Variants in CEP152 observed in about 807,000 individuals in gnomAD.
CEP152 encodes the protein centrosomal protein of 152 kDa.
A neutral mutation model predicts 188.9 loss-of-function variants in CEP152; 132 were observed. The observed-to-expected ratio is 0.70, with a 90% CI of 0.61 to 0.81. The LOEUF is 0.81. CEP152 is among the 30% of genes least tolerant of loss of function. The probability of loss-of-function intolerance (pLI) is 0.00; values close to 1 mark genes in which losing one functional copy is unlikely to be tolerated. For synonymous variants in CEP152, 649 were observed against 666.6 expected, an observed-to-expected ratio of 0.97 and a Z score of 0.41; for missense variants, 1,914 against 1,969.8, an observed-to-expected ratio of 0.97 and a Z score of 0.54.
chr15:48,786,031 G>A (rs1280523236), intron 9 of CEP152, among the ~76,000 whole-genome samples: 2 of 152,008 alleles, frequency 1.3e-5, no homozygotes, highest in Non-Finnish European at 2.9e-5. Context: ...CACACACAGA[G>A]AAGTCTGTGG....
intron 6 of CEP152, among the ~76,000 whole-genome samples, chr15:48,794,851 T>A (rs1897194066): frequency 6.6e-6 from 1 of 152,188 alleles, no homozygotes; most frequent in Admixed American, 6.5e-5. Flanking sequence ...GAGGCCATCC[T>A]CATATTTGCT....
intron 9 of CEP152, among the ~76,000 whole-genome samples, chr15:48,787,054 G>A (rs1377018646): frequency 1.3e-5 from 2 of 151,324 alleles, no homozygotes; most frequent in African/African-American, 4.9e-5. Context: ...CCTATGTTTG[G>A]CCAAAACTAA....
rs11631496 is a variant in CEP152 at position 48,783,721 on chromosome 15, T to C, written c.1321+252A>G. ...TTTATACTGGTCTCCAGCTTCCAAATTATTTAATAAAAACAAACTAAACCT... is the reference window on the plus strand; with the variant it reads ...TTTATACTGGTCTCCAGCTTCCAAACTATTTAATAAAAACAAACTAAACCT... On this transcript the variant is annotated intron_variant, in intron 10 of 26. Transcript: ENST00000380950. Among the ~76,000 whole-genome samples the C allele has an allele frequency of 0.16, 24,620 of 149,444 alleles. 2,563 individuals are homozygous for C. The highest frequency in any genetic ancestry group is 0.34 in the Middle Eastern group (95 of 282).
downstream of CEP152, among the ~76,000 whole-genome samples, chr15:48,734,712 G>C (rs1318602260): frequency 6.6e-6 from 1 of 152,006 alleles, no homozygotes; most frequent in Non-Finnish European, 1.5e-5. Flanking sequence ...AATCATAAGA[G>C]AGCTGCAGTG....
chr15:48,738,149 C>G lies in CEP152; in HGVS notation c.*100G>C. Reference sequence around the variant, plus strand: ...ACTTATATAACAGATGTTATTAAAACATCTCAAAAGAGGCAGGGCTCACAA... The same window carrying G: ...ACTTATATAACAGATGTTATTAAAAGATCTCAAAAGAGGCAGGGCTCACAA... On this transcript the variant is annotated 3_prime_UTR_variant, in exon 27 of 27. Transcript: ENST00000380950. 2.5e-6 allele frequency: 3 copies of G among 1,218,210 alleles called. No homozygotes were observed. The South Asian group carries it at 4.7e-5, about 19-fold the overall frequency. The allele number at this position is 1,218,210 out of a possible 1,614,324, so 75.5% of individuals were successfully genotyped here.
At chr15:48,765,632 G>A (rs1219020755) in intron 17 of CEP152, 2 of 301,216 alleles carry the variant, frequency 6.6e-6, no homozygotes, top group African/African-American at 3.4e-5. Flanking sequence ...TTATGTTCTT[G>A]CCAATTTTTT....
Position 48,756,264 on chromosome 15 carries a change from G to GC in CEP152, c.2983dup (p.Ala995GlyfsTer4), listed in dbSNP as rs765747552. 4 of 1,591,414 alleles carry GC rather than the reference G, an allele frequency of 2.5e-6. No homozygotes were observed. Among genetic ancestry groups the GC allele is most frequent in the African/African-American group, 1.4e-5 (1 of 73,736 alleles). ...TTTCATAAAGTCTTCTTTAGCTGCC[G>GC]CAAGCACCTCATTAATTTTATTTCG... On this transcript the variant is annotated frameshift_variant, in exon 20 of 27. Coordinates refer to ENST00000380950, the MANE Select transcript of CEP152 (RefSeq NM_001194998.2). LOFTEE classifies it high-confidence loss of function.
At position 48,738,104 on chromosome 15, in the gene CEP152, C is replaced by G; in HGVS notation, c.*145G>C. 1.1e-6 allele frequency: 1 copy of G among 879,914 alleles called. No individual in the cohort carries two copies. The highest frequency in any genetic ancestry group is 1.7e-6 in the Non-Finnish European group (1 of 596,178). 54.5% of individuals were successfully genotyped at this position (879,914 alleles called of 1,614,324 possible). ...ATTAAGGCAACATAAATATCTCAAG[C>G]AATTTTAGAAGAATGCTTTACTTAT... On this transcript the variant is annotated 3_prime_UTR_variant, in exon 27 of 27. Transcript: ENST00000380950.
chr15:48,746,517 G>A (rs533048487), intron 22 of CEP152, among the ~76,000 whole-genome samples: 5 of 152,242 alleles, frequency 3.3e-5, no homozygotes, highest in Non-Finnish European at 7.4e-5. Context: ...ATGAATTGCA[G>A]TTGTTAAATT....
At chr15:48,765,726 T>C in intron 17 of CEP152, 1 of 350,102 alleles carries the variant, frequency 2.9e-6, no homozygotes, top group Non-Finnish European at 5.3e-6. Context: ...CAATCTCGAC[T>C]CACTGCAAGC....
chr15:48,762,340 T>A, intron 18 of CEP152, 51 bp downstream of exon 18: 1 of 1,522,860 alleles, frequency 6.6e-7, no homozygotes, highest in Non-Finnish European at 9.1e-7. Flanking sequence ...TGGGTTTTCA[T>A]TAAGAGACAG....
chr15:48,796,638 G>T (rs1897318568), intron 5 of CEP152, among the ~76,000 whole-genome samples: 1 of 152,088 alleles, frequency 6.6e-6, no homozygotes, highest in African/African-American at 2.4e-5. Flanking sequence ...AGAATTAAGA[G>T]AAAATAACCA....
At chr15:48,760,802 G>T (rs1038449888) in intron 18 of CEP152, among the ~76,000 whole-genome samples, 4 of 151,862 alleles carry the variant, frequency 2.6e-5, no homozygotes, top group African/African-American at 7.3e-5. Context: ...AATTATGAGG[G>T]TCATCTGGTT....
chr15:48,743,583 C>T (rs1308537825), intron 24 of CEP152, among the ~76,000 whole-genome samples: 1 of 152,146 alleles, frequency 6.6e-6, no homozygotes, highest in Non-Finnish European at 1.5e-5. Flanking sequence ...TGGTAGGAGG[C>T]CGGGCACAGT....
At chr15:48,792,962 C>T (rs539855969) in intron 7 of CEP152, among the ~76,000 whole-genome samples, 1 of 152,134 alleles carries the variant, frequency 6.6e-6, no homozygotes, top group South Asian at 2.1e-4. Context: ...GATGGGATTA[C>T]AGGTGCCTGC....
At chr15:48,754,710 C>T (rs1894133209) in intron 20 of CEP152, among the ~76,000 whole-genome samples, 1 of 152,198 alleles carries the variant, frequency 6.6e-6, no homozygotes, top group South Asian at 2.1e-4. Flanking sequence ...AAATTCTATA[C>T]TGTTTCAAAT....
chr15:48,806,174 A>C (rs940416420), intron 1 of CEP152, among the ~76,000 whole-genome samples: 11 of 152,220 alleles, frequency 7.2e-5, no homozygotes, highest in South Asian at 4.1e-4. Context: ...CATAGAGTGC[A>C]CAACAAAATA....
rs756638874 is a variant in CEP152 at position 48,752,423 on chromosome 15, C to T, written c.3392G>A (p.Gly1131Asp). Reference sequence around the variant, plus strand: ...AGCAGCAGGTCCAGGGTCTCCTTGGCCAGTGCCCTGGCTGGCAGAATCCTT... The same window carrying T: ...AGCAGCAGGTCCAGGGTCTCCTTGGTCAGTGCCCTGGCTGGCAGAATCCTT... ...LSKDSASQGTGQGDPGPAAGH... is the reference protein window; with the variant it reads ...LSKDSASQGTDQGDPGPAAGH... The change falls in exon 21 of 27, where the codon GGC (glycine) becomes GAC (aspartate). Residue 1131 changes from glycine to aspartate, a missense_variant. Physicochemically the swap from Gly to Asp is moderately conservative, Grantham distance 94. Transcript: ENST00000380950. 6.2e-7 allele frequency: 1 copy of T among 1,613,882 alleles called. No homozygotes were observed. The highest frequency in any genetic ancestry group is 8.5e-7 in the Non-Finnish European group (1 of 1,180,020).
intron 12 of CEP152, among the ~76,000 whole-genome samples, chr15:48,779,512 A>G (rs1018181859): frequency 6.6e-6 from 1 of 152,254 alleles, no homozygotes; most frequent in Non-Finnish European, 1.5e-5. Flanking sequence ...AGTAACAGCC[A>G]TCATTTATCA....
Sources: allele counts gnomAD v4.1 joint callset (sites outside exome capture counted in the v4.1 genomes callset), GRCh38; gene constraint gnomAD v4.1.1; transcripts MANE v1.5; gene names NCBI Gene and HGNC (gene_info 2026-07-23, HGNC 2026-07-21).